DLG5: variants seen among roughly 807,000 people sequenced by gnomAD.
DLG5 encodes the protein disks large homolog 5.
DLG5 carries 48 observed loss-of-function variants against 189.8 expected under a neutral mutation model. The observed-to-expected ratio is 0.25, with a 90% confidence interval of 0.20 to 0.32. The LOEUF (loss-of-function observed/expected upper bound fraction) is 0.32. DLG5 is among the 10% of genes least tolerant of loss of function. The pLI is 1.00. For synonymous variants in DLG5, 1,016 were observed against 1,054.1 expected (o/e 0.96, Z 0.70); for missense variants, 2,160 against 2,544.7 (o/e 0.85, Z 3.25).
intron 1 of DLG5, among the ~76,000 whole-genome samples, chr10:77,871,786 C>T (rs752078024): frequency 6.6e-6 from 1 of 151,988 alleles, no homozygotes; most frequent in Non-Finnish European, 1.5e-5. Context: ...TCGGGATCCA[C>T]CAGGCCTCAG....
intron 27 of DLG5, among the ~76,000 whole-genome samples, chr10:77,802,601 T>G (rs1430065770): frequency 6.6e-6 from 1 of 152,198 alleles, no homozygotes; most frequent in African/African-American, 2.4e-5. Flanking sequence ...ATGAGAAAAG[T>G]ATGGCCGGGG....
intron 5 of DLG5, among the ~76,000 whole-genome samples, chr10:77,850,042 T>C (rs1041394995): frequency 3.3e-5 from 5 of 152,192 alleles, no homozygotes; most frequent in African/African-American, 7.2e-5. Context: ...TGAGTCTTTT[T>C]TTTTCCTCTC....
intron 12 of DLG5, 54 bp from the exon 13 acceptor site, chr10:77,829,039 G>A (rs1842780162): frequency 6.4e-7 from 1 of 1,562,576 alleles, no homozygotes; most frequent in African/African-American, 1.4e-5. Context: ...CCCAGCCCTG[G>A]GTCACCCTAC....
chr10:77,807,683 T>C (rs1685711802), intron 25 of DLG5, 113 bp downstream of exon 25: 6 of 1,271,990 alleles, frequency 4.7e-6, no homozygotes, highest in Non-Finnish European at 5.5e-6. Context: ...ATGATGATCA[T>C]GGCCCCAGCC....
rs1334973220 is a variant in DLG5, at chr10:77,808,112, G to C, written c.4648-168C>G. 3 of 832,576 alleles carry C rather than the reference G, an allele frequency of 3.6e-6. No individual in the cohort carries two copies. The Admixed American group carries it at 8.2e-5, about 23-fold the overall frequency. 51.6% of individuals were successfully genotyped at this position (832,576 alleles called of 1,614,324 possible). ...GGACTGAGTCTTCATGGTCTCCCCA[G>C]TCTCCAGGTCCTGTGCATGCTCCCT... On this transcript the variant is annotated intron_variant, in intron 24 of 31. Transcript: ENST00000372391.
At chr10:77,862,410 T>C (rs1391327428) in intron 2 of DLG5, among the ~76,000 whole-genome samples, 1 of 152,198 alleles carries the variant, frequency 6.6e-6, no homozygotes, top group African/African-American at 2.4e-5. Context: ...TACCACCATA[T>C]GCCCATCAGA....
At chr10:77,825,395 C>T (rs1395963845) in intron 13 of DLG5, among the ~76,000 whole-genome samples, 1 of 151,298 alleles carries the variant, frequency 6.6e-6, no homozygotes, top group Non-Finnish European at 1.5e-5. Context: ...CACACACACA[C>T]ACACACACAC....
intron 1 of DLG5, among the ~76,000 whole-genome samples, chr10:77,876,483 T>C (rs1294307887): frequency 6.6e-6 from 1 of 151,572 alleles, no homozygotes; most frequent in Non-Finnish European, 1.5e-5. Flanking sequence ...CAAGCTATTC[T>C]CGAGCCTCAG....
At chr10:77,812,602 G>A (rs181019021) in intron 20 of DLG5, among the ~76,000 whole-genome samples, 1 of 152,242 alleles carries the variant, frequency 6.6e-6, no homozygotes, top group African/African-American at 2.4e-5. Flanking sequence ...ACGCAGACAC[G>A]CAACCACCCA....
chr10:77,933,275 GTTTTTGT>G, the DLG5 span, among the ~76,000 whole-genome samples: 21 of 151,806 alleles, frequency 1.4e-4, no homozygotes, highest in East Asian at 1.7e-3. Context: ...TTGGGTTTTT[GTTTTTGT>G]TTTTTGTTTT....
At chr10:77,870,135 C>T (rs1844840710) in intron 1 of DLG5, among the ~76,000 whole-genome samples, 1 of 152,048 alleles carries the variant, frequency 6.6e-6, no homozygotes, top group Admixed American at 6.6e-5. Flanking sequence ...GACTCAGAGA[C>T]TAAATTGGGA....
chr10:77,876,170 TA>T (rs555146576), intron 1 of DLG5, among the ~76,000 whole-genome samples: 707 of 142,836 alleles, frequency 4.9e-3, no homozygotes, highest in Middle Eastern at 0.014. Context: ...ATCACTGCGC[TA>T]AAAAAAAAAA....
Position 77,856,904 on chromosome 10 carries a change from G to T in DLG5, c.374-12C>A. The T allele has an allele frequency of 6.2e-7, 1 of 1,605,890 alleles. No individual in the cohort carries two copies. ...CTTCCCGGTAGTGCCTGTGGAAGGG[G>T]AATAATAAAGTGAACTTGTGTTCAT... On this transcript the variant is annotated splice_polypyrimidine_tract_variant and intron_variant, in intron 2 of 31. Coordinates refer to ENST00000372391, the MANE Select transcript of DLG5 (RefSeq NM_004747.4).
chr10:77,797,765 G>C (rs891124031), intron 27 of DLG5, among the ~76,000 whole-genome samples: 2 of 152,202 alleles, frequency 1.3e-5, no homozygotes, highest in South Asian at 2.1e-4. Context: ...GAGGCAGAAG[G>C]CTCAGGAGAA....
chr10:77,817,169 C>T (rs1179415213), intron 18 of DLG5, 73 bp from the exon 19 acceptor site: 3 of 1,359,184 alleles, frequency 2.2e-6, no homozygotes, highest in Non-Finnish European at 3.2e-6. Flanking sequence ...CTCCACCAGG[C>T]TACCAGTCAG....
At chr10:77,854,471 C>T in intron 3 of DLG5, 101 bp from the exon 4 acceptor site, 1 of 1,497,192 alleles carries the variant, frequency 6.7e-7, no homozygotes, top group Non-Finnish European at 9.0e-7. Flanking sequence ...TTCCCCAGTA[C>T]TGGTCTTCTA....
rs201818266 is a variant in DLG5, at chr10:77,821,387, C to T, written c.3097G>A (p.Glu1033Lys). 66 of 1,612,442 alleles carry T rather than the reference C, an allele frequency of 4.1e-5. No individual in the cohort carries two copies. Among genetic ancestry groups the T allele is most frequent in the Non-Finnish European group, 4.2e-5 (50 of 1,179,926 alleles). ...KFQHRLETSS[E>K]SEATLVGSSP... Reference sequence around the variant, plus strand: ...CTGCCCACCAGAGTGGCTTCTGACTCGGAGCTAGTCTCCAGCCTGTGCTGG... The same window carrying T: ...CTGCCCACCAGAGTGGCTTCTGACTTGGAGCTAGTCTCCAGCCTGTGCTGG... Residue 1033 changes from glutamate (E) to lysine (K), a missense_variant, in exon 15 of 32, where the codon GAG becomes AAG. Physicochemically the swap from Glu to Lys is moderately conservative, Grantham distance 56. Transcript: ENST00000372391.
chr10:77,823,708 T>TTA (rs1001388405), intron 14 of DLG5, among the ~76,000 whole-genome samples: 1 of 152,174 alleles, frequency 6.6e-6, no homozygotes, highest in African/African-American at 2.4e-5. Context: ...TTTTGTATTT[T>TTA]TAGTAGAGAC....
chr10:77,925,468 CACTT>C (rs1274770587), intron 1 of DLG5, among the ~76,000 whole-genome samples: 1 of 152,236 alleles, frequency 6.6e-6, no homozygotes, highest in South Asian at 2.1e-4. Flanking sequence ...CCCAGACACA[CACTT>C]ACAAATCAGT....
Sources: gnomAD v4.1 joint callset for allele counts (sites outside exome capture counted in the v4.1 genomes callset) on GRCh38, gnomAD v4.1.1 for gene constraint, MANE v1.5 for transcripts, NCBI Gene and HGNC (gene_info 2026-07-23, HGNC 2026-07-21) for gene names.